Variants in B4GALNT3 observed in about 807,000 individuals in gnomAD.
The protein encoded by B4GALNT3 is beta-1,4-N-acetylgalactosaminyltransferase 3.
Under a neutral mutation model 120.2 loss-of-function variants are expected in B4GALNT3, and 86 were observed. The observed-to-expected ratio is 0.72, with a 90% CI of 0.60 to 0.86. B4GALNT3 has a LOEUF of 0.86. Ranked by LOEUF, B4GALNT3 falls within the 40% of genes least tolerant of loss-of-function variation. The pLI is 0.00. For synonymous variants in B4GALNT3, 518 were observed against 510.4 expected (o/e 1.01, Z -0.20); for missense variants, 1,167 against 1,298.9 (o/e 0.90, Z 1.56).
chr12:462,081 G>A (rs1187070146), intron 1 of B4GALNT3, among the ~76,000 whole-genome samples: 1 of 152,062 alleles, frequency 6.6e-6, no homozygotes, highest in Non-Finnish European at 1.5e-5. Flanking sequence ...AAAATCTGCC[G>A]CCCATAGTGA....
At chr12:556,948 T>G in intron 15 of B4GALNT3, 82 bp downstream of exon 15, 1 of 1,414,276 alleles carries the variant, frequency 7.1e-7, no homozygotes, top group Non-Finnish European at 9.5e-7. Context: ...TTGCACTGAT[T>G]TGATCCCATA....
Position 550,844 on chromosome 12 carries a change from CCCTGCTCAGGGCAGAGGACTT to C in B4GALNT3, c.998-76_998-56del. Reference sequence around the variant, plus strand: ...CTGCCGCTTGCGAATACAGAAAGGGCCCTGCTCAGGGCAGAGGACTTCAGCCCCAGTTTCGTGCTCACCCTC... The same window carrying C: ...CTGCCGCTTGCGAATACAGAAAGGGCCAGCCCCAGTTTCGTGCTCACCCTC... On this transcript the variant is annotated intron_variant, in intron 10 of 19. Coordinates refer to ENST00000266383, the MANE Select transcript of B4GALNT3 (RefSeq NM_173593.4). The surrounding 1 kb of genome is among the most constrained non-coding windows in gnomAD (Gnocchi z 4.1). The C allele has an allele frequency of 8.5e-7, 1 of 1,171,064 alleles. No homozygotes were observed. The highest frequency in any genetic ancestry group is 1.2e-6 in the Non-Finnish European group (1 of 803,468). 72.5% of individuals were successfully genotyped at this position (1,171,064 alleles called of 1,614,324 possible).
chr12:515,274 C>T (rs1946641320), intron 1 of B4GALNT3, among the ~76,000 whole-genome samples: 2 of 152,140 alleles, frequency 1.3e-5, no homozygotes, highest in South Asian at 4.1e-4. Flanking sequence ...CAACCTCCAC[C>T]TCCCTGGGTT....
intron 6 of B4GALNT3, 44 bp downstream of exon 6, chr12:545,513 C>T (rs1313278096): frequency 6.5e-7 from 1 of 1,528,606 alleles, no homozygotes; most frequent in African/African-American, 1.4e-5. Flanking sequence ...GCTCCTGGAG[C>T]CTGTTCATTG....
intron 1 of B4GALNT3, among the ~76,000 whole-genome samples, chr12:466,410 A>G (rs534631009): frequency 6.5e-4 from 99 of 152,260 alleles, no homozygotes; most frequent in African/African-American, 2.3e-3. Flanking sequence ...CACCAGTCTC[A>G]AAAACTACGC....
chr12:469,349 A>G (rs1407290617), intron 1 of B4GALNT3, among the ~76,000 whole-genome samples: 1 of 152,172 alleles, frequency 6.6e-6, no homozygotes, highest in Non-Finnish European at 1.5e-5. Flanking sequence ...TTAGGATCTC[A>G]ATGAATATTG....
intron 3 of B4GALNT3, among the ~76,000 whole-genome samples, chr12:543,407 C>T (rs1053506951): frequency 1.9e-3 from 253 of 130,586 alleles, no homozygotes; most frequent in African/African-American, 6.6e-3. Context: ...GGAGCTGGGG[C>T]GGGCATGGGG....
intron 3 of B4GALNT3, among the ~76,000 whole-genome samples, chr12:543,903 A>C (rs1222236482): frequency 2.7e-5 from 3 of 110,680 alleles, no homozygotes; most frequent in African/African-American, 7.1e-5. Context: ...GGAGCTGAGG[A>C]GCTGGGACGG....
chr12:519,535 T>C (rs1306470961), intron 1 of B4GALNT3, among the ~76,000 whole-genome samples: 1 of 151,588 alleles, frequency 6.6e-6, no homozygotes, highest in African/African-American at 2.4e-5. Flanking sequence ...CCCTCCCCTT[T>C]CATCCTGGAG....
At position 545,488 on chromosome 12, in the gene B4GALNT3, C is replaced by T. The variant is rs548112539; in HGVS notation, c.639+19C>T. On this transcript the variant is annotated intron_variant, in intron 6 of 19. Coordinates refer to ENST00000266383, the MANE Select transcript of B4GALNT3 (RefSeq NM_173593.4). ...GGGCAAGGTAAGGCCAGCTCAACCC[C>T]GGTCCCTCCCATCTGCTCCTGGAGC... 10 of 1,575,240 alleles carry T rather than the reference C, an allele frequency of 6.3e-6. No homozygotes were observed. In the East Asian group the frequency reaches 9.2e-5, roughly 14 times the overall value.
At chr12:467,446 C>G (rs563546210) in intron 1 of B4GALNT3, among the ~76,000 whole-genome samples, 1 of 152,246 alleles carries the variant, frequency 6.6e-6, no homozygotes, top group East Asian at 1.9e-4. Context: ...GTAGTCCCAG[C>G]TACTCGGGAG....
At chr12:556,489 G>A (rs2075027) in intron 14 of B4GALNT3, 58 bp from the exon 15 acceptor site, 107,155 of 1,515,244 alleles carry the variant, frequency 0.071, 6,811 homozygotes, top group East Asian at 0.35. Flanking sequence ...CTCACACACC[G>A]TGCTACCCTC....
intron 3 of B4GALNT3, chr12:543,294 C>A: frequency 9.5e-7 from 1 of 1,054,698 alleles, no homozygotes; most frequent in Non-Finnish European, 1.3e-6. Context: ...CCCCTTTCTG[C>A]CCAGCCTCCC....
Position 554,047 on chromosome 12 carries a change from G to A in B4GALNT3, c.2060+64G>A, listed in dbSNP as rs181805203. On this transcript the variant is annotated intron_variant, in intron 14 of 19. Coordinates refer to ENST00000266383, the MANE Select transcript of B4GALNT3 (RefSeq NM_173593.4). ...ACGTGGCAGCCAGCTGGCCTGGAAGGCAGGGGCCTAAGGGCTGGTAGTGGG... is the reference window on the plus strand; with the variant it reads ...ACGTGGCAGCCAGCTGGCCTGGAAGACAGGGGCCTAAGGGCTGGTAGTGGG... 16 of 1,212,638 alleles carry A rather than the reference G, an allele frequency of 1.3e-5. No individual in the cohort carries two copies. The Admixed American group carries it at 1.8e-4, about 14-fold the overall frequency. The allele number at this position is 1,212,638 out of a possible 1,614,324, so 75.1% of individuals were successfully genotyped here.
intron 1 of B4GALNT3, among the ~76,000 whole-genome samples, chr12:466,493 G>C (rs1946082524): frequency 6.6e-6 from 1 of 152,194 alleles, no homozygotes; most frequent in Non-Finnish European, 1.5e-5. Context: ...CAGACATTTG[G>C]AGTTTTCAGA....
Position 544,910 on chromosome 12 carries a change from T to G in B4GALNT3, c.476T>G (p.Val159Gly), listed in dbSNP as rs770668523. ...HIRTTLRKLA[V>G]SPKWTNYGLR... Reference sequence around the variant, plus strand: ...CGCACAACCCTGAGGAAGCTTGCTGTGTCCCCCAAATGGACCAACTATGGC... The same window carrying G: ...CGCACAACCCTGAGGAAGCTTGCTGGGTCCCCCAAATGGACCAACTATGGC... The change falls in exon 5 of 20, where the codon GTG becomes GGG. Residue 159 changes from valine (V) to glycine (G), a missense_variant. Val to Gly is a moderately radical substitution (Grantham distance 109, BLOSUM62 -3). Transcript: ENST00000266383. The G allele has an allele frequency of 6.2e-7, 1 of 1,614,088 alleles. No individual in the cohort carries two copies. Among genetic ancestry groups the G allele is most frequent in the Non-Finnish European group, 8.5e-7 (1 of 1,179,992 alleles).
chr12:463,957 G>A (rs180982157), intron 1 of B4GALNT3, among the ~76,000 whole-genome samples: 11 of 152,300 alleles, frequency 7.2e-5, no homozygotes, highest in African/African-American at 2.2e-4. Flanking sequence ...TTTAGAATAC[G>A]GCAGCATTGT....
chr12:521,835 G>T (rs749454514), intron 1 of B4GALNT3, among the ~76,000 whole-genome samples: 59 of 152,346 alleles, frequency 3.9e-4, no homozygotes, highest in Admixed American at 7.8e-4. Context: ...CTGAGCTGGA[G>T]CTTCCATGGG....
chr12:493,454 A>G (rs1237431880), intron 1 of B4GALNT3, among the ~76,000 whole-genome samples: 1 of 152,254 alleles, frequency 6.6e-6, no homozygotes, highest in Non-Finnish European at 1.5e-5. Context: ...AGGAACTCTC[A>G]TTCATTGCTG....
Sources: gnomAD v4.1 joint callset for allele counts (sites outside exome capture counted in the v4.1 genomes callset) on GRCh38, gnomAD v4.1.1 for gene constraint, Gnocchi (gnomAD v3.1) non-coding constraint, MANE v1.5 for transcripts, NCBI Gene and HGNC (gene_info 2026-07-23, HGNC 2026-07-21) for gene names.